OXSR1: variants seen among roughly 807,000 people sequenced by gnomAD.
OXSR1 encodes the protein serine/threonine-protein kinase OSR1.
In OXSR1, 24 loss-of-function variants were observed where a neutral mutation model predicts 79.8. The ratio of observed to expected loss-of-function variants is 0.30; its 90% CI spans 0.22 to 0.42. OXSR1 has a LOEUF of 0.42. Among genes scored for constraint, OXSR1 ranks in the 10% least tolerant of loss-of-function variants. The probability of loss-of-function intolerance (pLI) is 1.00; values close to 1 mark genes in which losing one functional copy is unlikely to be tolerated. For synonymous variants in OXSR1, 226 were observed against 209.2 expected (o/e 1.08, Z -0.69); for missense variants, 430 against 618.4 (o/e 0.70, Z 3.23).
In OXSR1 at chr3:38,184,906, T is replaced by TC. The variant is rs1359846735; in HGVS notation, c.183+1791_183+1792insC. On this transcript the variant is annotated intron_variant, in intron 2 of 17. Coordinates refer to ENST00000311806, the MANE Select transcript of OXSR1 (RefSeq NM_005109.3). ...TTCAAAAGTAGAAAGAACATTTCTTTTTTTTTTTTTTTTTTTTTTTTTTTT... is the reference window on the plus strand; with the variant it reads ...TTCAAAAGTAGAAAGAACATTTCTTTCTTTTTTTTTTTTTTTTTTTTTTTTT... Among the ~76,000 whole-genome samples the TC allele has an allele frequency of 6.4e-4, 7 of 10,950 alleles. No individual in the cohort carries two copies. In the East Asian group the frequency reaches 0.015, roughly 23 times the overall value. The allele number at this position is 10,950 out of a possible 152,430, so 7.2% of individuals were successfully genotyped here.
chr3:38,248,717 C>A (rs1703194752), intron 14 of OXSR1, among the ~76,000 whole-genome samples: 1 of 152,148 alleles, frequency 6.6e-6, no homozygotes, highest in South Asian at 2.1e-4. Context: ...TATTTGGTTA[C>A]CTTTCCTTTA....
In OXSR1 at chr3:38,213,837, A is replaced by C. The variant is rs557006311; in HGVS notation, c.435-2259A>C. ...GATATTTTATGTCAATATAAGCATA[A>C]TGTATGTCTCTGTGTCATGTTTTTC... On this transcript the variant is annotated intron_variant, in intron 4 of 17. Coordinates refer to ENST00000311806, the MANE Select transcript of OXSR1 (RefSeq NM_005109.3). Among the ~76,000 whole-genome samples the C allele has an allele frequency of 2.6e-5, 4 of 152,340 alleles. No individual in the cohort carries two copies. In the East Asian group the frequency reaches 7.7e-4, roughly 29 times the overall value.
At chr3:38,183,173 T>A (rs1268581573) in intron 2 of OXSR1, 58 bp downstream of exon 2, 1 of 799,042 alleles carries the variant, frequency 1.3e-6, no homozygotes, top group Non-Finnish European at 1.9e-6. Flanking sequence ...CACATTACAA[T>A]GGGAAATAAC....
chr3:38,226,500 A>G (rs978035743), intron 8 of OXSR1, among the ~76,000 whole-genome samples: 1 of 152,092 alleles, frequency 6.6e-6, no homozygotes, highest in Non-Finnish European at 1.5e-5. Flanking sequence ...TGAGTAGAGT[A>G]TGAAAAAGGA....
rs927005347 is a variant in OXSR1 at position 38,230,759 on chromosome 3, C to G, written c.951+329C>G. ...AGCTTTGGGTATAAGTCACAGTACC[C>G]TCTTTGGAACTCCAAATTTTCTACT... On this transcript the variant is annotated intron_variant, in intron 10 of 17. Coordinates refer to ENST00000311806, the MANE Select transcript of OXSR1 (RefSeq NM_005109.3). 1.5e-5 allele frequency: 3 copies of G among 203,462 alleles called. No homozygotes were observed. In the Admixed American group the frequency reaches 1.7e-4, roughly 12 times the overall value. 12.6% of individuals were successfully genotyped at this position (203,462 alleles called of 1,614,324 possible).
rs1023730523 is a variant in OXSR1 at position 38,254,673 on chromosome 3, T to A, written c.*1782T>A. ...TGAGGTATAGAAAAGAGATAGCATC[T>A]TCTTTGGCACAAGACTAGTGGCTTA... On this transcript the variant is annotated 3_prime_UTR_variant, in exon 18 of 18. Transcript: ENST00000311806. 1.3e-5 allele frequency: 2 copies of A among 157,952 alleles called. No individual in the cohort carries two copies. Among genetic ancestry groups the A allele is most frequent in the African/African-American group, 2.4e-5 (1 of 41,660 alleles). The allele number at this position is 157,952 out of a possible 1,614,324, so 9.8% of individuals were successfully genotyped here.
At chr3:38,232,675 G>C (rs1325584773) in intron 10 of OXSR1, among the ~76,000 whole-genome samples, 1 of 152,094 alleles carries the variant, frequency 6.6e-6, no homozygotes, top group South Asian at 2.1e-4. Context: ...TGGGAGGATT[G>C]TTTGAGCCTG....
chr3:38,166,977 G>C (rs932448290), intron 1 of OXSR1, among the ~76,000 whole-genome samples: 17 of 152,050 alleles, frequency 1.1e-4, no homozygotes, highest in Non-Finnish European at 1.6e-4. Flanking sequence ...TAAGAGCCTC[G>C]GGAAGATTTT....
At chr3:38,166,776 C>G (rs1185206368) in intron 1 of OXSR1, among the ~76,000 whole-genome samples, 17 of 144,420 alleles carry the variant, frequency 1.2e-4, no homozygotes, top group Non-Finnish European at 1.7e-4. Flanking sequence ...GGCGACAAAC[C>G]CTGACTCTGA....
chr3:38,209,772 T>C (rs1188078964), intron 4 of OXSR1, among the ~76,000 whole-genome samples: 2 of 151,982 alleles, frequency 1.3e-5, no homozygotes, highest in African/African-American at 4.8e-5. Flanking sequence ...TACAGGCGCC[T>C]GCCACTACGC....
intron 2 of OXSR1, among the ~76,000 whole-genome samples, chr3:38,187,335 A>G (rs1264830318): frequency 6.6e-6 from 1 of 152,216 alleles, no homozygotes; most frequent in Non-Finnish European, 1.5e-5. Context: ...ACACTGTGCT[A>G]TACAGAGATA....
intron 1 of OXSR1, among the ~76,000 whole-genome samples, chr3:38,167,415 A>G (rs1701488790): frequency 6.6e-6 from 1 of 152,240 alleles, no homozygotes; most frequent in Admixed American, 6.5e-5. Context: ...ACACCTGTGT[A>G]TTGGAGGAAG....
intron 2 of OXSR1, among the ~76,000 whole-genome samples, chr3:38,185,599 G>A (rs1370044178): frequency 1.3e-5 from 2 of 151,362 alleles, no homozygotes; most frequent in Non-Finnish European, 2.9e-5. Context: ...AAACAAACAA[G>A]AAACGGCACA....
rs1455862992 is a variant in OXSR1, at chr3:38,249,947, A to G, written c.1323-19A>G. On this transcript the variant is annotated intron_variant, in intron 14 of 17. Coordinates refer to ENST00000311806, the MANE Select transcript of OXSR1 (RefSeq NM_005109.3). Reference sequence around the variant, plus strand: ...AAATTTAGAAATTCTTATTTTATGCATTCTGCTTTCTTTCATAGGAATTCC... The same window carrying G: ...AAATTTAGAAATTCTTATTTTATGCGTTCTGCTTTCTTTCATAGGAATTCC... 8.3e-6 allele frequency: 12 copies of G among 1,440,946 alleles called. No homozygotes were observed. The Admixed American group carries it at 1.2e-4, about 15-fold the overall frequency. The allele number at this position is 1,440,946 out of a possible 1,614,324, so 89.3% of individuals were successfully genotyped here.
Position 38,237,599 on chromosome 3 carries a change from G to A in OXSR1, c.1074+638G>A, listed in dbSNP as rs551647058. On this transcript the variant is annotated intron_variant, in intron 11 of 17. Transcript: ENST00000311806. ...TGAGTATACTGGTATATTGCTTCCT[G>A]CTTTTAGGATCTGCTTTGGTGAAAG... 3.9e-5 allele frequency among the ~76,000 whole-genome samples: 6 copies of A among 152,208 alleles called. No homozygotes were observed. The South Asian group carries it at 1.0e-3, about 26-fold the overall frequency.
chr3:38,168,524 A>G (rs1246881960), intron 1 of OXSR1, among the ~76,000 whole-genome samples: 1 of 152,190 alleles, frequency 6.6e-6, no homozygotes, highest in Non-Finnish European at 1.5e-5. Context: ...TTGAGATATA[A>G]TTTACGTACC....
chr3:38,181,129 T>A (rs910033201), intron 1 of OXSR1, among the ~76,000 whole-genome samples: 1 of 151,942 alleles, frequency 6.6e-6, no homozygotes, highest in Non-Finnish European at 1.5e-5. Context: ...TTTTTTTTTT[T>A]TCCCTAGTCT....
chr3:38,211,078 C>T (rs1327314774), intron 4 of OXSR1, among the ~76,000 whole-genome samples: 5 of 152,042 alleles, frequency 3.3e-5, no homozygotes, highest in Non-Finnish European at 7.4e-5. Flanking sequence ...ATGTTTAGTC[C>T]CTTTGACAGT....
chr3:38,251,541 GT>G, intron 16 of OXSR1, 70 bp downstream of exon 16: 3 of 1,241,480 alleles, frequency 2.4e-6, no homozygotes, highest in Non-Finnish European at 3.6e-6. Flanking sequence ...AGAAAAGCAG[GT>G]TTTTTATTCC....
Sources: gnomAD v4.1 joint callset for allele counts (sites outside exome capture counted in the v4.1 genomes callset) on GRCh38, gnomAD v4.1.1 for gene constraint, MANE v1.5 for transcripts, NCBI Gene and HGNC (gene_info 2026-07-23, HGNC 2026-07-21) for gene names.